KAZN: variants seen among roughly 807,000 people sequenced by gnomAD.
KAZN encodes kazrin, periplakin interacting protein.
In KAZN, 40 loss-of-function variants were observed where a neutral mutation model predicts 87.4. The observed-to-expected ratio is 0.46, with a 90% CI of 0.36 to 0.60. KAZN has a LOEUF of 0.60. Among genes scored for constraint, KAZN ranks in the 20% least tolerant of loss-of-function variants. KAZN has a pLI of 0.00. For synonymous variants in KAZN, 466 were observed against 458.3 expected (o/e 1.02, Z -0.22); for missense variants, 898 against 1,073.9 (o/e 0.84, Z 2.29).
chr1:14,500,438 T>A (rs1476050624), intron 2 of KAZN, among the ~76,000 whole-genome samples: 1 of 152,172 alleles, frequency 6.6e-6, no homozygotes, highest in East Asian at 1.9e-4. Flanking sequence ...AACCTTGTAT[T>A]TATTTTGTAA....
Position 14,923,563 on chromosome 1 carries a change from C to T in KAZN, c.227-37121C>T, listed in dbSNP as rs1328915864. Among the ~76,000 whole-genome samples, 4 of 152,184 alleles carry T rather than the reference C, an allele frequency of 2.6e-5. No individual in the cohort carries two copies. The highest frequency in any genetic ancestry group is 9.7e-5 in the African/African-American group (4 of 41,446). On this transcript the variant is annotated intron_variant, in intron 1 of 14. Coordinates refer to ENST00000376030, the MANE Select transcript of KAZN (RefSeq NM_201628.3). This position sits in a 1 kb window ranked among gnomAD's most constrained non-coding sequence, Gnocchi z 4.2. ...AGTGGGGAATTACTAATGCCTAACT[C>T]ATAGATGGGGAAACTGAGGCTGGGG...
At chr1:14,612,515 T>C (rs1322132200) in intron 1 of KAZN, among the ~76,000 whole-genome samples, 1 of 152,180 alleles carries the variant, frequency 6.6e-6, no homozygotes, top group Non-Finnish European at 1.5e-5. Context: ...CGAGGCCTGA[T>C]TCAGATCCTG....
At chr1:14,399,061 T>A (rs775723437) in intron 2 of KAZN, among the ~76,000 whole-genome samples, 3 of 152,210 alleles carry the variant, frequency 2.0e-5, no homozygotes, top group African/African-American at 7.2e-5. Flanking sequence ...AGTCTCACTC[T>A]GTCACCCAGG....
chr1:14,055,407 T>C (rs1361692313), intron 1 of KAZN, among the ~76,000 whole-genome samples: 1 of 152,144 alleles, frequency 6.6e-6, no homozygotes, highest in Non-Finnish European at 1.5e-5. Context: ...GTGCATGATA[T>C]ATGTGTTGGG....
intron 2 of KAZN, among the ~76,000 whole-genome samples, chr1:14,200,334 C>T (rs1370643420): frequency 2.0e-5 from 3 of 152,132 alleles, no homozygotes; most frequent in Non-Finnish European, 4.4e-5. Flanking sequence ...GAAGTGATCT[C>T]TGAACAGTGA....
intron 1 of KAZN, among the ~76,000 whole-genome samples, chr1:14,130,320 C>T (rs997304807): frequency 1.3e-5 from 2 of 152,122 alleles, no homozygotes; most frequent in Admixed American, 6.6e-5. Flanking sequence ...AGTGTGTTCC[C>T]GCTAACCATG....
intron 2 of KAZN, among the ~76,000 whole-genome samples, chr1:15,026,962 T>C (rs1396246328): frequency 6.6e-6 from 1 of 150,740 alleles, no homozygotes; most frequent in Non-Finnish European, 1.5e-5. Context: ...GGGGAGCTCC[T>C]GGAACCAATG....
chr1:14,123,235 T>G (rs1307711365), intron 1 of KAZN, among the ~76,000 whole-genome samples: 5 of 152,280 alleles, frequency 3.3e-5, no homozygotes, highest in Admixed American at 6.5e-5. Context: ...TTTGAGTACA[T>G]AAAATGAAAC....
intron 2 of KAZN, among the ~76,000 whole-genome samples, chr1:14,550,932 G>T (rs772401583): frequency 2.7e-5 from 4 of 150,426 alleles, no homozygotes; most frequent in African/African-American, 7.4e-5. Flanking sequence ...TCTTCTCCCC[G>T]GCAGTCTCCC....
chr1:14,764,221 G>C (rs927539331), intron 1 of KAZN, among the ~76,000 whole-genome samples: 1 of 152,070 alleles, frequency 6.6e-6, no homozygotes, highest in African/African-American at 2.4e-5. Flanking sequence ...TCAGGCCTTT[G>C]CATGGGCTGT....
chr1:15,068,032 G>A (rs1212053280), intron 8 of KAZN: 3 of 744,680 alleles, frequency 4.0e-6, no homozygotes, highest in Non-Finnish European at 3.3e-6. Flanking sequence ...GTCAAATAGC[G>A]AATGAGTTAT....
At chr1:15,097,454 A>G (rs1032270040) in intron 10 of KAZN, among the ~76,000 whole-genome samples, 3 of 152,294 alleles carry the variant, frequency 2.0e-5, no homozygotes, top group South Asian at 4.1e-4. Context: ...CCAACCCATC[A>G]TCACCTTATG....
At chr1:13,973,948 A>G (rs1034976346) in intron 1 of KAZN, among the ~76,000 whole-genome samples, 1 of 152,236 alleles carries the variant, frequency 6.6e-6, no homozygotes, top group African/African-American at 2.4e-5. Context: ...GACTATGCAT[A>G]TCGTCATACT....
intron 1 of KAZN, among the ~76,000 whole-genome samples, chr1:14,107,860 C>G (rs750451531): frequency 4.6e-5 from 7 of 152,182 alleles, no homozygotes; most frequent in Non-Finnish European, 1.0e-4. Context: ...GCCTTGTCAC[C>G]TGACTCCAAG....
intron 1 of KAZN, among the ~76,000 whole-genome samples, chr1:14,929,248 A>G (rs980198952): frequency 2.6e-5 from 4 of 152,344 alleles, no homozygotes; most frequent in Admixed American, 1.3e-4. Flanking sequence ...TAAAATATAT[A>G]TAATACATTT....
At chr1:15,046,531 C>T (rs749590451) in intron 4 of KAZN, among the ~76,000 whole-genome samples, 2 of 152,126 alleles carry the variant, frequency 1.3e-5, no homozygotes, top group African/African-American at 2.4e-5. Context: ...CAAGAGTGGA[C>T]TGTGCTTTGT....
chr1:14,463,641 C>T (rs181476313), intron 2 of KAZN, among the ~76,000 whole-genome samples: 15 of 152,236 alleles, frequency 9.9e-5, no homozygotes, highest in African/African-American at 3.1e-4. Context: ...TATACTATGA[C>T]AATTTCCAAA....
At chr1:14,858,730 G>A (rs575552965) in intron 1 of KAZN, among the ~76,000 whole-genome samples, 38 of 152,286 alleles carry the variant, frequency 2.5e-4, no homozygotes, top group Middle Eastern at 3.4e-3. Context: ...TTTAGAGGCA[G>A]GTCGAAAAAT....
chr1:14,841,934 G>A (rs1240961639), intron 1 of KAZN, among the ~76,000 whole-genome samples: 1 of 152,142 alleles, frequency 6.6e-6, no homozygotes, highest in Non-Finnish European at 1.5e-5. Flanking sequence ...CCTGCCTTCA[G>A]GCTTTTGTGC....
Sources: allele counts gnomAD v4.1 joint callset (sites outside exome capture counted in the v4.1 genomes callset), GRCh38; gene constraint gnomAD v4.1.1; non-coding constraint Gnocchi (gnomAD v3.1); transcripts MANE v1.5; gene names NCBI Gene and HGNC (gene_info 2026-07-23, HGNC 2026-07-21).